The following GPHN variants were observed in gnomAD, a reference collection of about 807,000 sequenced individuals.
The protein encoded by GPHN is gephyrin.
Under a neutral mutation model 95.5 loss-of-function variants are expected in GPHN, and 17 were observed. The observed-to-expected ratio is 0.18, with a 90% CI of 0.12 to 0.27. GPHN has a LOEUF of 0.27. Ranked by LOEUF, GPHN falls within the 10% of genes least tolerant of loss-of-function variation. The pLI is 1.00. For missense variants in GPHN, 660 were observed against 978.1 expected (o/e 0.67, Z 4.34); for synonymous variants, 320 against 322.5 (o/e 0.99, Z 0.08).
At chr14:66,534,569 T>C (rs1461513959) in intron 1 of GPHN, among the ~76,000 whole-genome samples, 1 of 152,204 alleles carries the variant, frequency 6.6e-6, no homozygotes, top group Admixed American at 6.5e-5. Flanking sequence ...TATTCTCGTG[T>C]ATTTCTTTTT....
the GPHN span, chr14:67,386,040 AC>A: frequency 1.3e-5 from 2 of 152,238 alleles, no homozygotes; most frequent in Non-Finnish European, 2.9e-5. Context: ...CTACTTTGCA[AC>A]CTATGGAGAT....
intron 10 of GPHN, among the ~76,000 whole-genome samples, chr14:67,053,913 C>A (rs1015461748): frequency 1.3e-5 from 2 of 152,164 alleles, no homozygotes; most frequent in African/African-American, 4.8e-5. Context: ...AATTCAACTT[C>A]CCTTCATGTT....
chr14:67,439,043 T>C, the GPHN span, among the ~76,000 whole-genome samples: 1 of 152,138 alleles, frequency 6.6e-6, no homozygotes, highest in African/African-American at 2.4e-5. Flanking sequence ...TGTGGGACCA[T>C]GAGCCTTAGT....
intron 17 of GPHN, among the ~76,000 whole-genome samples, chr14:67,123,543 G>A (rs1426902450): frequency 6.6e-6 from 1 of 152,142 alleles, no homozygotes; most frequent in Non-Finnish European, 1.5e-5. Context: ...AGGTGTGGTG[G>A]TACACATCTG....
intron 17 of GPHN, among the ~76,000 whole-genome samples, chr14:67,125,448 C>T (rs374776696): frequency 6.6e-6 from 1 of 152,082 alleles, no homozygotes; most frequent in East Asian, 1.9e-4. Context: ...AGAAACTGTA[C>T]CCTAGGTTTA....
the GPHN span, chr14:67,620,755 A>T: frequency 1.3e-6 from 1 of 749,608 alleles, no homozygotes; most frequent in Non-Finnish European, 2.2e-6. Context: ...CCAACAATGG[A>T]GTTGGAAGGA....
At chr14:66,704,725 C>A (rs1460723690) in intron 2 of GPHN, among the ~76,000 whole-genome samples, 6 of 151,952 alleles carry the variant, frequency 3.9e-5, no homozygotes, top group African/African-American at 1.5e-4. Flanking sequence ...AATCTCAGAT[C>A]GACACCCTAT....
At chr14:67,680,748 C>T in the GPHN span, among the ~76,000 whole-genome samples, 2 of 152,200 alleles carry the variant, frequency 1.3e-5, no homozygotes, top group Non-Finnish European at 2.9e-5. Flanking sequence ...CGTGAGCCGC[C>T]GCGCCCAGCC....
the GPHN span, among the ~76,000 whole-genome samples, chr14:67,628,957 G>A: frequency 1.3e-5 from 2 of 152,192 alleles, no homozygotes; most frequent in Non-Finnish European, 2.9e-5. Context: ...ATAGCCAAAA[G>A]GTGGAAGCAA....
intron 1 of GPHN, among the ~76,000 whole-genome samples, chr14:66,557,228 C>T (rs375707585): frequency 3.8e-5 from 5 of 131,468 alleles, no homozygotes; most frequent in East Asian, 2.3e-4. Flanking sequence ...TAGATAGATA[C>T]ATAGGTAGGT....
At chr14:66,811,327 T>A (rs374326754) in intron 3 of GPHN, among the ~76,000 whole-genome samples, 1 of 152,172 alleles carries the variant, frequency 6.6e-6, no homozygotes, top group East Asian at 1.9e-4. Context: ...TTTGTCATTC[T>A]TGAAAGGACA....
chr14:67,135,751 A>G (rs956125022), intron 17 of GPHN, among the ~76,000 whole-genome samples: 1 of 150,220 alleles, frequency 6.7e-6, no homozygotes, highest in Non-Finnish European at 1.5e-5. Flanking sequence ...TCCAAGTCCA[A>G]CTCTTCTCAA....
At chr14:67,390,741 G>C in the GPHN span, 1 of 1,610,110 alleles carries the variant, frequency 6.2e-7, no homozygotes, top group African/African-American at 1.3e-5. Flanking sequence ...TTTTCCTCTT[G>C]TGTCCCTGAG....
the GPHN span, among the ~76,000 whole-genome samples, chr14:67,659,476 T>G: frequency 1.3e-5 from 2 of 152,120 alleles, no homozygotes; most frequent in African/African-American, 4.8e-5. Context: ...GCACTGTTTT[T>G]TTTTTATTAT....
chr14:67,602,846 ATG>A, the GPHN span, among the ~76,000 whole-genome samples: 1 of 152,208 alleles, frequency 6.6e-6, no homozygotes, highest in Non-Finnish European at 1.5e-5. Context: ...TTATTATTTA[ATG>A]TGTCAATAAA....
intron 11 of GPHN, among the ~76,000 whole-genome samples, chr14:67,059,585 T>C (rs920834026): frequency 7.9e-5 from 12 of 152,332 alleles, no homozygotes; most frequent in African/African-American, 2.2e-4. Context: ...CCTAATTTTT[T>C]TGTCAAGGAA....
chr14:67,070,296 G>A (rs1176038041), intron 11 of GPHN, among the ~76,000 whole-genome samples: 2 of 147,302 alleles, frequency 1.4e-5, no homozygotes, highest in African/African-American at 5.1e-5. Context: ...ATGTTTGTGT[G>A]TGTGTGTATA....
chr14:67,382,559 A>G, the GPHN span: 2 of 1,613,870 alleles, frequency 1.2e-6, no homozygotes, highest in Non-Finnish European at 8.5e-7. Flanking sequence ...AAGATTGAGG[A>G]AAAGAGGGGT....
intron 9 of GPHN, among the ~76,000 whole-genome samples, chr14:66,970,849 A>T (rs890422643): frequency 6.6e-6 from 1 of 152,240 alleles, no homozygotes; most frequent in African/African-American, 2.4e-5. Flanking sequence ...TTCTCTGAAC[A>T]AAAATATGTT....
Sources: gnomAD v4.1 joint callset for allele counts (sites outside exome capture counted in the v4.1 genomes callset) on GRCh38, gnomAD v4.1.1 for gene constraint, MANE v1.5 for transcripts, NCBI Gene and HGNC (gene_info 2026-07-23, HGNC 2026-07-21) for gene names.